Variants in CTNNBL1 observed in about 807,000 individuals in gnomAD.
CTNNBL1 encodes beta-catenin-like protein 1.
In CTNNBL1, 31 loss-of-function variants were observed where a neutral mutation model predicts 72.7. The observed-to-expected ratio is 0.43, with a 90% CI of 0.32 to 0.58. The LOEUF is 0.58. CTNNBL1 is among the 20% of genes least tolerant of loss of function. CTNNBL1 has a pLI of 0.08. For synonymous variants in CTNNBL1, 240 were observed against 267.3 expected, an observed-to-expected ratio of 0.90 and a Z score of 1.00; for missense variants, 534 against 725.1, an observed-to-expected ratio of 0.74 and a Z score of 3.03.
chr20:37,750,415 A>G (rs1475229521), intron 4 of CTNNBL1: 1 of 152,228 alleles, frequency 6.6e-6, no homozygotes, highest in Non-Finnish European at 1.5e-5. Flanking sequence ...CCTTTTCAAA[A>G]TAATGCTTTT....
At chr20:37,780,106 TC>T (rs2073613550) in intron 10 of CTNNBL1, among the ~76,000 whole-genome samples, 1 of 151,016 alleles carries the variant, frequency 6.6e-6, no homozygotes, top group South Asian at 2.1e-4. Context: ...GTTGGAAGAT[TC>T]TAGTCATTAT....
At chr20:37,734,749 G>A (rs1479246645) in intron 2 of CTNNBL1, among the ~76,000 whole-genome samples, 2 of 152,226 alleles carry the variant, frequency 1.3e-5, no homozygotes, top group African/African-American at 4.8e-5. Context: ...TACATCATCA[G>A]CATTCATCTT....
At chr20:37,867,967 C>T (rs964791911) in intron 15 of CTNNBL1, among the ~76,000 whole-genome samples, 7 of 152,174 alleles carry the variant, frequency 4.6e-5, no homozygotes, top group African/African-American at 7.2e-5. Flanking sequence ...GCCGGGTCGT[C>T]GGACCTGGTT....
chr20:37,796,139 A>G lies in CTNNBL1; in HGVS notation c.1032-6728A>G, dbSNP rs118106206. Among the ~76,000 whole-genome samples, 956 of 152,268 alleles carry G rather than the reference A, an allele frequency of 6.3e-3. 7 individuals carry two copies. The highest frequency in any genetic ancestry group is 0.011 in the Admixed American group (162 of 15,292). On this transcript the variant is annotated intron_variant, in intron 10 of 15. Coordinates refer to ENST00000361383, the MANE Select transcript of CTNNBL1 (RefSeq NM_030877.5). ...CTTTTCTACTGTAACTGGTGGGAAT[A>G]CAAACTATTCCTGGCCCTCCGTGAG...
chr20:37,754,230 CT>C (rs1346540188), intron 4 of CTNNBL1, among the ~76,000 whole-genome samples: 1 of 150,712 alleles, frequency 6.6e-6, no homozygotes, highest in Admixed American at 6.6e-5. Context: ...TTATTGCATG[CT>C]GATTTAGATC....
At chr20:37,759,923 G>A (rs1022263543) in intron 5 of CTNNBL1, among the ~76,000 whole-genome samples, 32 of 152,336 alleles carry the variant, frequency 2.1e-4, no homozygotes, top group African/African-American at 6.3e-4. Context: ...AGAATTGCAC[G>A]AGCAGAGGCT....
chr20:37,842,230 C>T (rs555831231), intron 12 of CTNNBL1, 109 bp from the exon 13 acceptor site: 13 of 751,064 alleles, frequency 1.7e-5, no homozygotes, highest in South Asian at 4.7e-5. Flanking sequence ...AGTGCCAGAG[C>T]GGGTCTCCCT....
chr20:37,743,085 T>C (rs936785251), intron 3 of CTNNBL1, among the ~76,000 whole-genome samples: 3 of 151,962 alleles, frequency 2.0e-5, no homozygotes, highest in African/African-American at 7.3e-5. Context: ...ATTACAGGCA[T>C]GAGCCACCAC....
At chr20:37,811,836 T>C (rs953368313) in intron 11 of CTNNBL1, among the ~76,000 whole-genome samples, 5 of 152,240 alleles carry the variant, frequency 3.3e-5, no homozygotes, top group Non-Finnish European at 7.3e-5. Flanking sequence ...GCTTTACAGG[T>C]GCACATAAAG....
chr20:37,789,093 A>G (rs765562653), intron 10 of CTNNBL1, among the ~76,000 whole-genome samples: 31 of 152,214 alleles, frequency 2.0e-4, no homozygotes, highest in Admixed American at 6.5e-5. Flanking sequence ...TAGCCATCCT[A>G]GAGTACAGGA....
At chr20:37,705,677 T>C (rs1221877442) in intron 1 of CTNNBL1, among the ~76,000 whole-genome samples, 1 of 152,236 alleles carries the variant, frequency 6.6e-6, no homozygotes, top group African/African-American at 2.4e-5. Flanking sequence ...CCGTGGTCTC[T>C]TTAATATTAC....
chr20:37,756,650 T>C (rs1214548507), intron 4 of CTNNBL1, among the ~76,000 whole-genome samples: 1 of 149,260 alleles, frequency 6.7e-6, no homozygotes, highest in East Asian at 2.0e-4. Flanking sequence ...TTTTTTTTTT[T>C]TCTTTGAGAC....
chr20:37,826,087 C>T (rs1249491745), intron 11 of CTNNBL1, among the ~76,000 whole-genome samples: 1 of 152,202 alleles, frequency 6.6e-6, no homozygotes, highest in Non-Finnish European at 1.5e-5. Flanking sequence ...AAACTTCATG[C>T]CTTCTGCCCA....
At chr20:37,856,747 A>T (rs2122852414) in intron 13 of CTNNBL1, among the ~76,000 whole-genome samples, 1 of 152,138 alleles carries the variant, frequency 6.6e-6, no homozygotes, top group South Asian at 2.1e-4. Flanking sequence ...CCCAATCAGC[A>T]CCTATCACTT....
chr20:37,841,620 G>T (rs1289621772), intron 12 of CTNNBL1, among the ~76,000 whole-genome samples: 5 of 152,098 alleles, frequency 3.3e-5, no homozygotes, highest in Non-Finnish European at 2.9e-5. Context: ...GGGCTGTGGT[G>T]GTGCCAACCT....
At chr20:37,734,471 T>C (rs2073155639) in intron 2 of CTNNBL1, among the ~76,000 whole-genome samples, 1 of 152,172 alleles carries the variant, frequency 6.6e-6, no homozygotes, top group South Asian at 2.1e-4. Flanking sequence ...ATAATTCCCA[T>C]GTAGGGCAAG....
At chr20:37,772,867 C>G (rs2073538115) in intron 7 of CTNNBL1, among the ~76,000 whole-genome samples, 1 of 152,158 alleles carries the variant, frequency 6.6e-6, no homozygotes, top group Non-Finnish European at 1.5e-5. Context: ...GGTAGCCTAG[C>G]AGTATATAGA....
chr20:37,785,590 A>G (rs998928265), intron 10 of CTNNBL1, among the ~76,000 whole-genome samples: 6 of 152,260 alleles, frequency 3.9e-5, no homozygotes, highest in Middle Eastern at 3.4e-3. Flanking sequence ...TTTCTGCTTG[A>G]TTCATTTTAA....
chr20:37,817,590 C>G (rs1053995908), intron 11 of CTNNBL1, among the ~76,000 whole-genome samples: 3 of 152,164 alleles, frequency 2.0e-5, no homozygotes, highest in Admixed American at 2.0e-4. Context: ...TAATTACCTT[C>G]ACTGATCCCA....
Sources: gnomAD v4.1 joint callset for allele counts (sites outside exome capture counted in the v4.1 genomes callset) on GRCh38, gnomAD v4.1.1 for gene constraint, MANE v1.5 for transcripts, NCBI Gene and HGNC (gene_info 2026-07-23, HGNC 2026-07-21) for gene names.